NELL1: variants seen among roughly 807,000 people sequenced by gnomAD.
The protein encoded by NELL1 is neural EGFL like 1.
NELL1 carries 76 observed loss-of-function variants against 107.4 expected under a neutral mutation model. The observed-to-expected ratio is 0.71, with a 90% CI of 0.59 to 0.86. NELL1 has a LOEUF of 0.86. Ranked by LOEUF, NELL1 falls within the 40% of genes least tolerant of loss-of-function variation. The probability of loss-of-function intolerance (pLI) is 0.00; values close to 1 mark genes in which losing one functional copy is unlikely to be tolerated. For synonymous variants in NELL1, 353 were observed against 341.2 expected, an observed-to-expected ratio of 1.03 and a Z score of -0.38; for missense variants, 1,024 against 1,005.5, an observed-to-expected ratio of 1.02 and a Z score of -0.25.
intron 16 of NELL1, among the ~76,000 whole-genome samples, chr11:21,559,943 A>G (rs1419241811): frequency 1.3e-5 from 2 of 152,132 alleles, no homozygotes; most frequent in Non-Finnish European, 2.9e-5. Flanking sequence ...GCTCTATGAC[A>G]GTGGTCATGT....
intron 15 of NELL1, among the ~76,000 whole-genome samples, chr11:21,411,600 A>T (rs1852377710): frequency 6.6e-6 from 1 of 152,226 alleles, no homozygotes; most frequent in East Asian, 1.9e-4. Flanking sequence ...GGTAAAATCT[A>T]AGAGGTTGCC....
Position 21,237,817 on chromosome 11 carries a change from A to T in NELL1, c.1549+8363A>T, listed in dbSNP as rs144386760. 1.7e-3 allele frequency among the ~76,000 whole-genome samples: 253 copies of T among 152,122 alleles called. 1 individual carries two copies. The highest frequency in any genetic ancestry group is 5.7e-3 in the African/African-American group (236 of 41,522). ...CCTTCTGTCTCAGGTACCTCCTCTG[A>T]TTATTTGATGGATTCTTCTTTATAG... On this transcript the variant is annotated intron_variant, in intron 14 of 19. Coordinates refer to ENST00000357134, the MANE Select transcript of NELL1 (RefSeq NM_006157.5).
intron 13 of NELL1, among the ~76,000 whole-genome samples, chr11:21,125,453 A>G (rs1855465889): frequency 6.6e-6 from 1 of 152,182 alleles, no homozygotes; most frequent in Admixed American, 6.5e-5. Context: ...TTAAAAAAAA[A>G]GGATTATTTT....
chr11:21,550,302 C>T (rs984978583), intron 16 of NELL1, among the ~76,000 whole-genome samples: 2 of 151,954 alleles, frequency 1.3e-5, no homozygotes, highest in African/African-American at 4.8e-5. Flanking sequence ...CCTGTTCACT[C>T]TGATGGTAGT....
intron 2 of NELL1, among the ~76,000 whole-genome samples, chr11:20,759,943 TC>T (rs1856382490): frequency 2.0e-5 from 3 of 152,224 alleles, no homozygotes; most frequent in Admixed American, 2.0e-4. Flanking sequence ...CTATCCTGTC[TC>T]CTGTGTGTTC....
chr11:21,452,964 A>T (rs1035465385), intron 15 of NELL1, among the ~76,000 whole-genome samples: 1 of 151,854 alleles, frequency 6.6e-6, no homozygotes, highest in Non-Finnish European at 1.5e-5. Flanking sequence ...AATATTTGGA[A>T]ATATTCCAGT....
intron 14 of NELL1, among the ~76,000 whole-genome samples, chr11:21,312,641 G>T (rs1849774437): frequency 6.6e-6 from 1 of 151,972 alleles, no homozygotes; most frequent in Non-Finnish European, 1.5e-5. Context: ...TGTCCCTTCA[G>T]TGACAAATGT....
chr11:21,253,363 A>G (rs1202823959), intron 14 of NELL1, among the ~76,000 whole-genome samples: 1 of 152,146 alleles, frequency 6.6e-6, no homozygotes, highest in East Asian at 1.9e-4. Flanking sequence ...TATGATTTAC[A>G]TAGCAATTTG....
At chr11:21,167,587 T>A (rs146497595) in intron 13 of NELL1, among the ~76,000 whole-genome samples, 1 of 151,886 alleles carries the variant, frequency 6.6e-6, no homozygotes, top group African/African-American at 2.4e-5. Flanking sequence ...AGTCATGAGG[T>A]TGGCAATTGA....
At chr11:20,788,736 T>C (rs539966347) in intron 3 of NELL1, among the ~76,000 whole-genome samples, 25 of 152,268 alleles carry the variant, frequency 1.6e-4, no homozygotes, top group African/African-American at 4.6e-4. Flanking sequence ...GATTCTGATG[T>C]CATATTTTTG....
intron 14 of NELL1, among the ~76,000 whole-genome samples, chr11:21,323,459 G>A (rs542813200): frequency 2.6e-5 from 4 of 151,960 alleles, no homozygotes; most frequent in Non-Finnish European, 4.4e-5. Flanking sequence ...ATTAGTGATG[G>A]GCATCATTTA....
At chr11:20,941,868 A>G (rs1213821790) in intron 10 of NELL1, among the ~76,000 whole-genome samples, 6 of 152,214 alleles carry the variant, frequency 3.9e-5, no homozygotes, top group African/African-American at 1.4e-4. Context: ...AGAAGGAAGT[A>G]TGGAAGGAAA....
intron 14 of NELL1, among the ~76,000 whole-genome samples, chr11:21,347,906 G>A (rs528141138): frequency 2.0e-5 from 3 of 152,210 alleles, no homozygotes; most frequent in South Asian, 2.1e-4. Flanking sequence ...CAGAAAAGGG[G>A]CGCATGTCTG....
chr11:21,007,039 G>A (rs1417784839), intron 12 of NELL1, among the ~76,000 whole-genome samples: 2 of 151,918 alleles, frequency 1.3e-5, no homozygotes, highest in South Asian at 2.1e-4. Context: ...AGCAAATGTT[G>A]GCTGACCCTG....
At chr11:20,720,526 GTAT>G (rs1403597657) in intron 2 of NELL1, among the ~76,000 whole-genome samples, 1 of 152,032 alleles carries the variant, frequency 6.6e-6, no homozygotes, top group Non-Finnish European at 1.5e-5. Context: ...TTCTTATCTT[GTAT>G]TAGTTTGCAA....
chr11:21,356,278 T>C (rs1565184659), intron 14 of NELL1, among the ~76,000 whole-genome samples: 1 of 152,194 alleles, frequency 6.6e-6, no homozygotes, highest in Non-Finnish European at 1.5e-5. Context: ...GAGTAATCTC[T>C]GGTACAGAGA....
intron 15 of NELL1, among the ~76,000 whole-genome samples, chr11:21,421,511 A>G (rs1205298083): frequency 6.6e-6 from 1 of 152,092 alleles, no homozygotes; most frequent in Admixed American, 6.6e-5. Context: ...TGTTCAGATT[A>G]CTATCGCTGC....
intron 12 of NELL1, among the ~76,000 whole-genome samples, chr11:20,980,818 G>A (rs1365026977): frequency 6.6e-6 from 1 of 152,128 alleles, no homozygotes; most frequent in Non-Finnish European, 1.5e-5. Context: ...AAATATTTTT[G>A]ATTCTATCCC....
At chr11:21,086,942 G>T (rs1854406678) in intron 12 of NELL1, among the ~76,000 whole-genome samples, 1 of 149,930 alleles carries the variant, frequency 6.7e-6, no homozygotes, top group Non-Finnish European at 1.5e-5. Context: ...AGGTTCAAGT[G>T]ATTCTCCTGC....
Sources: allele counts gnomAD v4.1 joint callset (sites outside exome capture counted in the v4.1 genomes callset), GRCh38; gene constraint gnomAD v4.1.1; transcripts MANE v1.5; gene names NCBI Gene and HGNC (gene_info 2026-07-23, HGNC 2026-07-21).